Variants in LAMB4 observed in about 807,000 individuals in gnomAD.
The protein encoded by LAMB4 is laminin subunit beta 4.
Under a neutral mutation model 199.2 loss-of-function variants are expected in LAMB4, and 196 were observed. The ratio of observed to expected loss-of-function variants is 0.98; its 90% CI spans 0.88 to 1.11. The LOEUF (loss-of-function observed/expected upper bound fraction) is 1.11. Ranked by LOEUF, LAMB4 falls within the 50% of genes least tolerant of loss-of-function variation. The pLI, the probability that LAMB4 is intolerant of heterozygous loss-of-function variation, is 0.00. For synonymous variants in LAMB4, 744 were observed against 770.6 expected, an observed-to-expected ratio of 0.97 and a Z score of 0.57; for missense variants, 2,080 against 2,171.2, an observed-to-expected ratio of 0.96 and a Z score of 0.83.
chr7:108,073,730 G>A (rs2036607334), intron 17 of LAMB4, among the ~76,000 whole-genome samples: 1 of 152,218 alleles, frequency 6.6e-6, no homozygotes, highest in Non-Finnish European at 1.5e-5. Flanking sequence ...AATCATATTA[G>A]TCTGTAACAA....
In LAMB4 at chr7:108,104,667, G is replaced by A. The variant is rs536231764; in HGVS notation, c.871-48C>T. Reference sequence around the variant, plus strand: ...CGTTGAAAGAGGGCTTGTCCTTGGGGACGTTGGGGTTCTTTAAATGGGAAA... The same window carrying A: ...CGTTGAAAGAGGGCTTGTCCTTGGGAACGTTGGGGTTCTTTAAATGGGAAA... On this transcript the variant is annotated intron_variant, in intron 8 of 33. Coordinates refer to ENST00000388781, the MANE Select transcript of LAMB4 (RefSeq NM_007356.3). The A allele has an allele frequency of 1.2e-4, 186 of 1,594,966 alleles. 3 individuals carry two copies. The South Asian group carries it at 1.8e-3, about 16-fold the overall frequency.
intron 30 of LAMB4, among the ~76,000 whole-genome samples, chr7:108,036,553 G>A (rs1023005054): frequency 3.3e-5 from 5 of 152,184 alleles, no homozygotes; most frequent in Admixed American, 3.3e-4. Flanking sequence ...AACCTAGAAG[G>A]GGTTGGACTT....
intron 6 of LAMB4, 92 bp from the exon 7 acceptor site, chr7:108,106,664 A>G: frequency 1.4e-6 from 1 of 717,970 alleles, no homozygotes; most frequent in East Asian, 3.0e-5. Context: ...TCCCAGGCCC[A>G]AGAAATCTTA....
chr7:108,091,094 T>C (rs2150609614), intron 14 of LAMB4, among the ~76,000 whole-genome samples: 1 of 120,640 alleles, frequency 8.3e-6, no homozygotes, highest in East Asian at 3.0e-4. Context: ...TCACCTCGAA[T>C]TACCTTTTTT....
intron 4 of LAMB4, among the ~76,000 whole-genome samples, chr7:108,111,270 G>C (rs1038195230): frequency 6.6e-6 from 1 of 152,184 alleles, no homozygotes; most frequent in Admixed American, 6.5e-5. Flanking sequence ...GCCAATGTAG[G>C]CTCAATATCG....
At chr7:108,105,477 C>A (rs1173101214) in intron 8 of LAMB4, among the ~76,000 whole-genome samples, 2 of 152,118 alleles carry the variant, frequency 1.3e-5, no homozygotes, top group African/African-American at 4.8e-5. Flanking sequence ...GCAAAAACAG[C>A]ACTTTTGCAC....
chr7:108,108,054 C>T (rs928946493), intron 5 of LAMB4, among the ~76,000 whole-genome samples: 1 of 152,148 alleles, frequency 6.6e-6, no homozygotes, highest in African/African-American at 2.4e-5. Context: ...GATCCTCCCA[C>T]CTCAGCCTCC....
intron 11 of LAMB4, among the ~76,000 whole-genome samples, chr7:108,095,674 G>C (rs573913386): frequency 1.3e-5 from 2 of 152,228 alleles, no homozygotes; most frequent in African/African-American, 4.8e-5. Context: ...GGAGTTTCTG[G>C]GAGTCATGGT....
intron 33 of LAMB4, among the ~76,000 whole-genome samples, chr7:108,028,671 T>G (rs568064756): frequency 6.6e-6 from 1 of 152,020 alleles, no homozygotes; most frequent in East Asian, 1.9e-4. Context: ...GAAACGGGGT[T>G]TCTCCATGTT....
intron 10 of LAMB4, among the ~76,000 whole-genome samples, chr7:108,100,641 T>C (rs2037783233): frequency 6.6e-6 from 1 of 152,250 alleles, no homozygotes; most frequent in South Asian, 2.1e-4. Context: ...CTTTGATTGA[T>C]GTGCTCAAAA....
At position 108,043,734 on chromosome 7, in the gene LAMB4, T is replaced by C. The variant is rs80184565; in HGVS notation, c.4471+18A>G. The C allele has an allele frequency of 6.8e-4, 1,007 of 1,489,600 alleles. 17 individuals carry two copies. The East Asian group carries it at 0.018, about 27-fold the overall frequency. The allele number at this position is 1,489,600 out of a possible 1,614,324, so 92.3% of individuals were successfully genotyped here. A position where few individuals can be genotyped will look rare whatever the true frequency, so the allele number is the denominator to read the frequency against. ...GGAAAAAAACAAAAACTAGTCCTAA[T>C]ATATATTTTTAAATTACCTAACAAA... On this transcript the variant is annotated intron_variant, in intron 29 of 33. Transcript: ENST00000388781.
rs1383738541 is a variant in LAMB4 at position 108,023,733 on chromosome 7, A to C, written c.*306T>G. 5.2e-6 allele frequency: 1 copy of C among 194,010 alleles called. No homozygotes were observed. The highest frequency in any genetic ancestry group is 2.3e-5 in the African/African-American group (1 of 43,114). 12.0% of individuals were successfully genotyped at this position (194,010 alleles called of 1,614,324 possible). On this transcript the variant is annotated 3_prime_UTR_variant, in exon 34 of 34. Coordinates refer to ENST00000388781, the MANE Select transcript of LAMB4 (RefSeq NM_007356.3). ...TGAAATGATTATTAGTTAGTAGAGT[A>C]CTTACTTAAATTTCTACTTGTTATA...
downstream of LAMB4, among the ~76,000 whole-genome samples, chr7:108,021,648 G>C (rs2034695811): frequency 6.6e-6 from 1 of 152,054 alleles, no homozygotes; most frequent in South Asian, 2.1e-4. Flanking sequence ...GGCTGAGGTT[G>C]CGGTGAGCCG....
chr7:108,107,767 T>C lies in LAMB4; in HGVS notation c.455A>G (p.Asn152Ser), dbSNP rs756116876. 8.1e-6 allele frequency: 13 copies of C among 1,613,456 alleles called. No individual in the cohort carries two copies. Among genetic ancestry groups the C allele is most frequent in the Admixed American group, 1.7e-5 (1 of 59,788 alleles). Residue 152 changes from asparagine (N) to serine (S), a missense_variant, in exon 6 of 34, where the codon AAC becomes AGC. Asn to Ser is a conservative substitution (Grantham distance 46). Coordinates refer to ENST00000388781, the MANE Select transcript of LAMB4 (RefSeq NM_007356.3). ...LVERSTDYGH[N>S]WKVFKYFAKD... ...TGCAAAATATTTGAACACTTTCCAG[T>C]TGTGTCCATAGTCTGTGGAACGTTC...
intron 10 of LAMB4, among the ~76,000 whole-genome samples, chr7:108,102,331 T>A (rs1430867204): frequency 3.3e-5 from 5 of 152,158 alleles, no homozygotes; most frequent in Non-Finnish European, 2.9e-5. Context: ...AATGACATAA[T>A]CTATCTAAAC....
chr7:108,119,319 A>G (rs551466607), intron 2 of LAMB4, among the ~76,000 whole-genome samples: 18 of 152,328 alleles, frequency 1.2e-4, no homozygotes, highest in African/African-American at 4.3e-4. Flanking sequence ...TGTTCACACA[A>G]AAACCCTATA....
intron 29 of LAMB4, among the ~76,000 whole-genome samples, chr7:108,043,545 G>GTGTTTTT (rs2035496985): frequency 1.6e-4 from 9 of 55,990 alleles, no homozygotes; most frequent in African/African-American, 1.3e-3. Context: ...TGGCTATGAT[G>GTGTTTTT]TTTTTTTTTT....
chr7:108,119,381 A>G (rs767427835), intron 2 of LAMB4, among the ~76,000 whole-genome samples: 3 of 152,306 alleles, frequency 2.0e-5, no homozygotes, highest in East Asian at 1.9e-4. Flanking sequence ...GAAACACCCA[A>G]TGTCCTTCAC....
chr7:108,118,431 C>A (rs2038484193), intron 2 of LAMB4, among the ~76,000 whole-genome samples: 3 of 152,178 alleles, frequency 2.0e-5, no homozygotes, highest in Non-Finnish European at 4.4e-5. Context: ...GAGGAAAAGA[C>A]ACCTAGATCA....
Sources: gnomAD v4.1 joint callset for allele counts (sites outside exome capture counted in the v4.1 genomes callset) on GRCh38, gnomAD v4.1.1 for gene constraint, MANE v1.5 for transcripts, NCBI Gene and HGNC (gene_info 2026-07-23, HGNC 2026-07-21) for gene names.